RPSA2: variants seen among roughly 807,000 people sequenced by gnomAD.
The protein encoded by RPSA2 is ribosomal protein SA 2.
chr19:23,841,458 C>T, the RPSA2 span, among the ~76,000 whole-genome samples: 2,365 of 152,112 alleles, frequency 0.016, 79 homozygotes, highest in African/African-American at 0.053. Flanking sequence ...AGCCAGACTC[C>T]GTCTCAAAAA....
the RPSA2 span, among the ~76,000 whole-genome samples, chr19:23,852,623 G>GC: frequency 0.97 from 147,084 of 152,254 alleles, 71,117 homozygotes; most frequent in East Asian, 1. Flanking sequence ...GCGATTTTCC[G>GC]CCTGGGTGGG....
At chr19:23,836,470 T>G in the RPSA2 span, among the ~76,000 whole-genome samples, 20 of 152,318 alleles carry the variant, frequency 1.3e-4, no homozygotes, top group East Asian at 3.9e-3. Flanking sequence ...ATTGTGCTGC[T>G]AGAAATATGC....
chr19:23,767,553 T>C, the RPSA2 span, among the ~76,000 whole-genome samples: 3 of 152,034 alleles, frequency 2.0e-5, no homozygotes, highest in African/African-American at 7.3e-5. Flanking sequence ...GCAAGCAAAA[T>C]GTACCTGAGA....
the RPSA2 span, among the ~76,000 whole-genome samples, chr19:23,771,352 C>T: frequency 1.3e-5 from 2 of 152,196 alleles, no homozygotes; most frequent in African/African-American, 4.8e-5. Context: ...CAATAAATGA[C>T]ACAATTTGCA....
the RPSA2 span, among the ~76,000 whole-genome samples, chr19:23,814,216 T>A: frequency 5.1e-3 from 730 of 143,052 alleles, no homozygotes; most frequent in Middle Eastern, 0.014. Context: ...CATTTCAAAA[T>A]AAAAAAAAAA....
At chr19:23,778,018 C>G in the RPSA2 span, among the ~76,000 whole-genome samples, 173 of 152,286 alleles carry the variant, frequency 1.1e-3, no homozygotes, top group African/African-American at 3.8e-3. Flanking sequence ...TTCGTAGATT[C>G]TATCCCCCAA....
chr19:23,830,833 G>A, the RPSA2 span, among the ~76,000 whole-genome samples: 1 of 151,002 alleles, frequency 6.6e-6, no homozygotes, highest in East Asian at 1.9e-4. Context: ...GCCCTATTTT[G>A]TATATTTTAT....
chr19:23,788,617 T>C, the RPSA2 span, among the ~76,000 whole-genome samples: 1 of 152,194 alleles, frequency 6.6e-6, no homozygotes, highest in Non-Finnish European at 1.5e-5. Flanking sequence ...TAGGTAGTGA[T>C]GTGACTCTTC....
At chr19:23,783,113 G>C in the RPSA2 span, among the ~76,000 whole-genome samples, 1 of 129,376 alleles carries the variant, frequency 7.7e-6, no homozygotes, top group African/African-American at 2.9e-5. Context: ...TAATTGTTTT[G>C]AGATGGAGTT....
the RPSA2 span, among the ~76,000 whole-genome samples, chr19:23,853,438 C>T: frequency 6.6e-6 from 1 of 152,150 alleles, no homozygotes; most frequent in Non-Finnish European, 1.5e-5. Context: ...ATTCAGAAAC[C>T]AATTGAGTTA....
the RPSA2 span, among the ~76,000 whole-genome samples, chr19:23,779,514 G>C: frequency 3.3e-5 from 5 of 152,146 alleles, no homozygotes. Context: ...ATAAGCATGG[G>C]GTTATTAGGA....
chr19:23,871,184 TC>T, the RPSA2 span, among the ~76,000 whole-genome samples: 1 of 152,202 alleles, frequency 6.6e-6, no homozygotes, highest in Non-Finnish European at 1.5e-5. Flanking sequence ...TTGTCTTTAT[TC>T]CCACATTCAT....
At chr19:23,815,147 A>T in the RPSA2 span, among the ~76,000 whole-genome samples, 2 of 152,336 alleles carry the variant, frequency 1.3e-5, no homozygotes, top group African/African-American at 4.8e-5. Flanking sequence ...CCCAGCTGGC[A>T]TTCTTAAATT....
the RPSA2 span, among the ~76,000 whole-genome samples, chr19:23,859,657 G>C: frequency 6.6e-6 from 1 of 152,006 alleles, no homozygotes; most frequent in Non-Finnish European, 1.5e-5. Context: ...GCTTAGTCAT[G>C]TCTTCTGCTT....
the RPSA2 span, among the ~76,000 whole-genome samples, chr19:23,761,902 T>TCCATCCA: frequency 3.1e-4 from 19 of 62,262 alleles, no homozygotes; most frequent in Non-Finnish European, 3.0e-4. Context: ...GGTAACGTAA[T>TCCATCCA]TCTTTCTTTC....
At chr19:23,768,337 A>T in the RPSA2 span, among the ~76,000 whole-genome samples, 3 of 151,776 alleles carry the variant, frequency 2.0e-5, no homozygotes, top group Non-Finnish European at 4.4e-5. Flanking sequence ...TGATAGATTA[A>T]TTGGTGCATT....
the RPSA2 span, among the ~76,000 whole-genome samples, chr19:23,810,130 A>G: frequency 6.6e-6 from 1 of 152,106 alleles, no homozygotes; most frequent in Admixed American, 6.6e-5. Flanking sequence ...GCGGTGGCTC[A>G]TGCCTGTAAT....
chr19:23,785,025 A>ATTGAATG, the RPSA2 span, among the ~76,000 whole-genome samples: 2 of 152,158 alleles, frequency 1.3e-5, no homozygotes, highest in Non-Finnish European at 2.9e-5. Context: ...TTCAGATGTG[A>ATTGAATG]TTGAATGTGT....
At chr19:23,868,747 T>G in the RPSA2 span, among the ~76,000 whole-genome samples, 1 of 152,114 alleles carries the variant, frequency 6.6e-6, no homozygotes, top group Non-Finnish European at 1.5e-5. Flanking sequence ...ATGCTTATGT[T>G]TTTACAGCAG....
Sources: gnomAD v4.1 joint callset for allele counts (sites outside exome capture counted in the v4.1 genomes callset) on GRCh38, gnomAD v4.1.1 for gene constraint, MANE v1.5 for transcripts, NCBI Gene and HGNC (gene_info 2026-07-23, HGNC 2026-07-21) for gene names.